The following ERBB4 variants were observed in gnomAD, a reference collection of about 807,000 sequenced individuals.
The protein encoded by ERBB4 is receptor tyrosine-protein kinase erbB-4.
In ERBB4, 42 loss-of-function variants were observed where a neutral mutation model predicts 158.0. That is an observed-to-expected ratio of 0.27 (90% confidence interval 0.21 to 0.34). The LOEUF (loss-of-function observed/expected upper bound fraction) is 0.34, where lower values mean the gene tolerates loss of function less well. ERBB4 is among the 10% of genes least tolerant of loss of function. The pLI, the probability that ERBB4 is intolerant of heterozygous loss-of-function variation, is 1.00. For missense variants in ERBB4, 1,333 were observed against 1,624.1 expected, an observed-to-expected ratio of 0.82 and a Z score of 3.08; for synonymous variants, 583 against 558.7, an observed-to-expected ratio of 1.04 and a Z score of -0.61.
At chr2:212,403,193 T>A (rs1295502159) in intron 1 of ERBB4, among the ~76,000 whole-genome samples, 1 of 152,032 alleles carries the variant, frequency 6.6e-6, no homozygotes, top group Admixed American at 6.6e-5. Flanking sequence ...TCAAAAAAAA[T>A]TGTTAAATGT....
At chr2:211,453,258 CTTTAAAG>C (rs1225159803) in intron 20 of ERBB4, among the ~76,000 whole-genome samples, 2 of 152,136 alleles carry the variant, frequency 1.3e-5, no homozygotes, top group African/African-American at 2.4e-5. Context: ...AAATTCATGT[CTTTAAAG>C]TTTAAGTTAT....
At chr2:212,220,231 G>GTA (rs2083250814) in intron 1 of ERBB4, among the ~76,000 whole-genome samples, 2 of 151,312 alleles carry the variant, frequency 1.3e-5, no homozygotes, top group South Asian at 4.1e-4. Context: ...ATATTTTTGA[G>GTA]TATATAAGAA....
intron 19 of ERBB4, among the ~76,000 whole-genome samples, chr2:211,582,010 A>G (rs2068121273): frequency 6.9e-6 from 1 of 144,278 alleles, no homozygotes; most frequent in Admixed American, 6.8e-5. Context: ...ACTCCATCTC[A>G]AAAAAAAAAA....
intron 2 of ERBB4, among the ~76,000 whole-genome samples, chr2:212,056,353 T>C (rs1052912356): frequency 3.9e-5 from 6 of 152,202 alleles, no homozygotes; most frequent in Non-Finnish European, 8.8e-5. Context: ...GAAAACACTC[T>C]GCAGGGTATT....
At chr2:211,465,523 G>A (rs1485236453) in intron 20 of ERBB4, among the ~76,000 whole-genome samples, 1 of 151,966 alleles carries the variant, frequency 6.6e-6, no homozygotes, top group Non-Finnish European at 1.5e-5. Context: ...GAAGGAGGAA[G>A]ACCTTTAAAG....
At chr2:212,285,870 G>C (rs1472001369) in intron 1 of ERBB4, among the ~76,000 whole-genome samples, 1 of 152,048 alleles carries the variant, frequency 6.6e-6, no homozygotes, top group Admixed American at 6.6e-5. Flanking sequence ...CCCAGTAATA[G>C]ATATCAAAAC....
At chr2:212,028,801 G>A (rs1329395277) in intron 2 of ERBB4, among the ~76,000 whole-genome samples, 1 of 151,982 alleles carries the variant, frequency 6.6e-6, no homozygotes, top group East Asian at 1.9e-4. Flanking sequence ...ATTTTTATAT[G>A]GAGCCTAGTA....
chr2:211,605,781 C>T (rs931510115), intron 19 of ERBB4, among the ~76,000 whole-genome samples: 1 of 151,920 alleles, frequency 6.6e-6, no homozygotes, highest in Non-Finnish European at 1.5e-5. Flanking sequence ...GAATAGATAA[C>T]AAGAATCATT....
intron 1 of ERBB4, among the ~76,000 whole-genome samples, chr2:212,417,458 C>A (rs139846897): frequency 3.3e-5 from 5 of 152,086 alleles, no homozygotes; most frequent in African/African-American, 1.2e-4. Flanking sequence ...ACACTAATAA[C>A]AAATGCCCAT....
rs1226367535 is a variant in ERBB4 at position 212,453,678 on chromosome 2, T to A, written c.82+84771A>T. Among the ~76,000 whole-genome samples the A allele has an allele frequency of 2.0e-5, 3 of 152,306 alleles. No individual in the cohort carries two copies. In the East Asian group the frequency reaches 5.8e-4, roughly 29 times the overall value. On this transcript the variant is annotated intron_variant, in intron 1 of 27. Coordinates refer to ENST00000342788, the MANE Select transcript of ERBB4 (RefSeq NM_005235.3). ...ATTATTACACCAGGGTCTTTTGTTATTGTTGTTATTTTAAAATTTTAAAAT... is the reference window on the plus strand; with the variant it reads ...ATTATTACACCAGGGTCTTTTGTTAATGTTGTTATTTTAAAATTTTAAAAT...
chr2:212,126,814 T>A (rs1171982670), intron 1 of ERBB4, among the ~76,000 whole-genome samples: 1 of 152,128 alleles, frequency 6.6e-6, no homozygotes, highest in Non-Finnish European at 1.5e-5. Context: ...AGGGATGAGT[T>A]CCTGCAGAGG....
At chr2:212,059,431 G>A (rs1320081900) in intron 2 of ERBB4, among the ~76,000 whole-genome samples, 1 of 152,038 alleles carries the variant, frequency 6.6e-6, no homozygotes, top group Non-Finnish European at 1.5e-5. Context: ...TCACACAATT[G>A]GAAAAAACTG....
intron 12 of ERBB4, among the ~76,000 whole-genome samples, chr2:211,682,411 A>T (rs1462469594): frequency 6.6e-6 from 1 of 152,148 alleles, no homozygotes; most frequent in Non-Finnish European, 1.5e-5. Context: ...CACACTGGTG[A>T]GGGCAATCTG....
intron 19 of ERBB4, among the ~76,000 whole-genome samples, chr2:211,592,926 G>C (rs548976641): frequency 1.3e-5 from 2 of 151,420 alleles, no homozygotes; most frequent in African/African-American, 4.9e-5. Flanking sequence ...CAGGAGAATC[G>C]CTTGAACCGG....
intron 17 of ERBB4, among the ~76,000 whole-genome samples, chr2:211,629,700 TA>T (rs1369553936): frequency 1.3e-5 from 2 of 152,080 alleles, no homozygotes; most frequent in Non-Finnish European, 2.9e-5. Flanking sequence ...AAAACAGAGA[TA>T]TAGACCAATG....
At chr2:212,484,104 TATAC>T (rs1689855069) in intron 1 of ERBB4, among the ~76,000 whole-genome samples, 1 of 152,320 alleles carries the variant, frequency 6.6e-6, no homozygotes, top group East Asian at 1.9e-4. Context: ...TACATTTTTC[TATAC>T]ATATGCTGTA....
chr2:212,063,542 ATAAATG>A (rs1553546887), intron 2 of ERBB4, among the ~76,000 whole-genome samples: 1 of 152,134 alleles, frequency 6.6e-6, no homozygotes, highest in Non-Finnish European at 1.5e-5. Flanking sequence ...CTAGAAAAAT[ATAAATG>A]TATATTTTTA....
intron 20 of ERBB4, among the ~76,000 whole-genome samples, chr2:211,537,797 A>G (rs2066696130): frequency 6.6e-6 from 1 of 151,990 alleles, no homozygotes; most frequent in African/African-American, 2.4e-5. Context: ...CAGAAAAATC[A>G]AGATTGAAGT....
At chr2:212,240,676 A>AAG (rs2084068080) in intron 1 of ERBB4, among the ~76,000 whole-genome samples, 1 of 133,370 alleles carries the variant, frequency 7.5e-6, no homozygotes, top group Non-Finnish European at 1.6e-5. Flanking sequence ...AACAGAAAAA[A>AAG]AAGAAAAAAG....
Sources: gnomAD v4.1 joint callset for allele counts (sites outside exome capture counted in the v4.1 genomes callset) on GRCh38, gnomAD v4.1.1 for gene constraint, MANE v1.5 for transcripts, NCBI Gene and HGNC (gene_info 2026-07-23, HGNC 2026-07-21) for gene names.